Variants in ROR2 observed in about 807,000 individuals in gnomAD.
ROR2 encodes tyrosine-protein kinase transmembrane receptor ROR2.
ROR2 carries 33 observed loss-of-function variants against 74.9 expected under a neutral mutation model. That is an observed-to-expected ratio of 0.44 (90% CI 0.33 to 0.59). The LOEUF (loss-of-function observed/expected upper bound fraction) is 0.59, where lower values mean the gene tolerates loss of function less well. Ranked by LOEUF, ROR2 falls within the 20% of genes least tolerant of loss-of-function variation. The pLI is 0.02. For missense variants in ROR2, 1,216 were observed against 1,313.8 expected (o/e 0.93, Z 1.15); for synonymous variants, 586 against 558.7 (o/e 1.05, Z -0.69).
chr9:91,920,979 A>G (rs984497612), intron 1 of ROR2, among the ~76,000 whole-genome samples: 2 of 152,386 alleles, frequency 1.3e-5, no homozygotes, highest in Middle Eastern at 3.4e-3. Flanking sequence ...TGTTTAGGAT[A>G]GCCAAGCCTC....
chr9:91,735,972 C>T (rs905032183), intron 5 of ROR2, among the ~76,000 whole-genome samples: 7 of 152,074 alleles, frequency 4.6e-5, no homozygotes, highest in Non-Finnish European at 8.8e-5. Context: ...ACCGCTTTTA[C>T]GAAGGGTGAA....
At position 91,948,883 on chromosome 9, in the gene ROR2, G is replaced by A. The variant is rs1025765240; in HGVS notation, c.97+984C>T. 5.5e-5 allele frequency: 54 copies of A among 985,312 alleles called. No homozygotes were observed. In the African/African-American group the frequency reaches 8.4e-4, roughly 15 times the overall value. The allele number at this position is 985,312 out of a possible 1,614,324, so 61.0% of individuals were successfully genotyped here. ...CAGGGTGCCGAGAATCCGGCCCGAG[G>A]CGCGCGGGCGGGAGGTGCTCCCGGA... On this transcript the variant is annotated intron_variant, in intron 1 of 8. Transcript: ENST00000375708.
At chr9:91,794,247 G>C (rs142039998) in intron 1 of ROR2, among the ~76,000 whole-genome samples, 65 of 152,330 alleles carry the variant, frequency 4.3e-4, no homozygotes, top group Middle Eastern at 3.4e-3. Context: ...CTGGGCACTG[G>C]CTAAACCACT....
intron 1 of ROR2, among the ~76,000 whole-genome samples, chr9:91,782,644 G>T (rs1235742731): frequency 6.7e-6 from 1 of 150,336 alleles, no homozygotes; most frequent in Non-Finnish European, 1.5e-5. Context: ...GTGTTGGGCT[G>T]CATTCAAAGC....
At chr9:91,846,727 T>A (rs985102213) in intron 1 of ROR2, among the ~76,000 whole-genome samples, 1 of 152,064 alleles carries the variant, frequency 6.6e-6, no homozygotes, top group Non-Finnish European at 1.5e-5. Flanking sequence ...CCCTCTGCGG[T>A]GGTCCCTGAA....
chr9:91,755,163 GAA>G (rs10718991), intron 4 of ROR2, among the ~76,000 whole-genome samples: 2 of 151,582 alleles, frequency 1.3e-5, no homozygotes, highest in Non-Finnish European at 2.9e-5. Flanking sequence ...TTTGGGGGGG[GAA>G]AAAAATCTGC....
rs989040636 is a variant in ROR2 at position 91,855,687 on chromosome 9, C to T, written c.98-79869G>A. 7.2e-5 allele frequency among the ~76,000 whole-genome samples: 11 copies of T among 152,232 alleles called. No individual in the cohort carries two copies. The East Asian group carries it at 1.5e-3, about 21-fold the overall frequency. Reference sequence around the variant, plus strand: ...GCTTCCTCCTCTGGCTGCTGGTTTACGGACATCATGACATGGTGGCATGGA... The same window carrying T: ...GCTTCCTCCTCTGGCTGCTGGTTTATGGACATCATGACATGGTGGCATGGA... On this transcript the variant is annotated intron_variant, in intron 1 of 8. Transcript: ENST00000375708.
At chr9:91,824,296 G>A (rs1164448909) in intron 1 of ROR2, among the ~76,000 whole-genome samples, 3 of 152,244 alleles carry the variant, frequency 2.0e-5, no homozygotes, top group Non-Finnish European at 4.4e-5. Context: ...TGCCTGTGGG[G>A]TTCCCCCAGC....
intron 1 of ROR2, among the ~76,000 whole-genome samples, chr9:91,899,073 G>A (rs902659030): frequency 3.9e-5 from 6 of 152,198 alleles, no homozygotes; most frequent in African/African-American, 9.7e-5. Flanking sequence ...ACAAACAGCC[G>A]CCAAGAGCTG....
intron 1 of ROR2, among the ~76,000 whole-genome samples, chr9:91,857,440 T>G (rs1829327374): frequency 6.6e-6 from 1 of 152,198 alleles, no homozygotes. Context: ...TATGAGCAAC[T>G]GCGACCAGCA....
At chr9:91,933,005 A>T (rs550478508) in intron 1 of ROR2, among the ~76,000 whole-genome samples, 3 of 152,314 alleles carry the variant, frequency 2.0e-5, no homozygotes, top group Non-Finnish European at 4.4e-5. Flanking sequence ...CAGTATCAAA[A>T]GTTTAAACAT....
intron 1 of ROR2, among the ~76,000 whole-genome samples, chr9:91,816,895 T>A (rs999446740): frequency 6.6e-6 from 1 of 152,046 alleles, no homozygotes; most frequent in African/African-American, 2.4e-5. Context: ...AAGATAACCA[T>A]CCCACAGCAA....
intron 1 of ROR2, among the ~76,000 whole-genome samples, chr9:91,792,303 C>CTTTTTTTTTTTTTTTTTTTTTTT (rs1358505448): frequency 7.0e-6 from 1 of 142,332 alleles, no homozygotes. Context: ...AAAGTTGGTT[C>CTTTTTTTTTTTTTTTTTTTTTTT]TATTTTTTTT....
intron 1 of ROR2, among the ~76,000 whole-genome samples, chr9:91,929,507 G>C (rs761926948): frequency 3.3e-5 from 5 of 152,194 alleles, no homozygotes; most frequent in Non-Finnish European, 7.3e-5. Context: ...ATCCCATCAA[G>C]AGACTGAGGC....
intron 1 of ROR2, among the ~76,000 whole-genome samples, chr9:91,892,747 AC>A (rs1830452929): frequency 6.6e-6 from 1 of 151,264 alleles, no homozygotes; most frequent in African/African-American, 2.4e-5. Flanking sequence ...CCACCACCAC[AC>A]CCGGCTAATT....
chr9:91,892,590 C>CTTTTT (rs547073635), intron 1 of ROR2, among the ~76,000 whole-genome samples: 221 of 105,296 alleles, frequency 2.1e-3, no homozygotes, highest in Middle Eastern at 5.8e-3. Context: ...CTTTTCTTTT[C>CTTTTT]TTTTTTTTTT....
intron 1 of ROR2, among the ~76,000 whole-genome samples, chr9:91,928,758 C>G (rs1831473983): frequency 6.6e-6 from 1 of 152,220 alleles, no homozygotes; most frequent in Non-Finnish European, 1.5e-5. Flanking sequence ...GAATCACATG[C>G]TGAGGAGTGC....
intron 1 of ROR2, among the ~76,000 whole-genome samples, chr9:91,871,624 C>T (rs1829800130): frequency 6.6e-6 from 1 of 152,192 alleles, no homozygotes; most frequent in African/African-American, 2.4e-5. Flanking sequence ...CCCCACTCTC[C>T]TGAATCAGAG....
chr9:91,916,501 T>C (rs1831139797), intron 1 of ROR2, among the ~76,000 whole-genome samples: 1 of 152,178 alleles, frequency 6.6e-6, no homozygotes, highest in South Asian at 2.1e-4. Flanking sequence ...CAGAACTCCC[T>C]CTTCCCCACC....
Sources: allele counts gnomAD v4.1 joint callset (sites outside exome capture counted in the v4.1 genomes callset), GRCh38; gene constraint gnomAD v4.1.1; transcripts MANE v1.5; gene names NCBI Gene and HGNC (gene_info 2026-07-23, HGNC 2026-07-21).